The following TBCK variants were observed in gnomAD, a reference collection of about 807,000 sequenced individuals.
TBCK encodes TBC domain-containing protein kinase-like protein.
A neutral mutation model predicts 113.4 loss-of-function variants in TBCK; 99 were observed. That is an observed-to-expected ratio of 0.87 (90% confidence interval 0.74 to 1.03). The LOEUF is 1.03. TBCK is among the 50% of genes least tolerant of loss of function. TBCK has a pLI of 0.00. For missense variants in TBCK, 1,045 were observed against 1,061.3 expected, an observed-to-expected ratio of 0.98 and a Z score of 0.21; for synonymous variants, 369 against 370.8, an observed-to-expected ratio of 1.00 and a Z score of 0.05.
chr4:106,235,574 A>AT (rs888803320), intron 14 of TBCK, among the ~76,000 whole-genome samples: 26 of 152,182 alleles, frequency 1.7e-4, no homozygotes, highest in African/African-American at 5.1e-4. Context: ...CTCGTATTAT[A>AT]TAATTAAGAA....
intron 3 of TBCK, among the ~76,000 whole-genome samples, chr4:106,294,598 C>T (rs1408384494): frequency 2.6e-5 from 4 of 151,880 alleles, no homozygotes. Flanking sequence ...TCTCCTTTCT[C>T]AGCCTCCTGA....
rs1187273018 is a variant in TBCK, at chr4:106,233,074, T to C, written c.1513-10A>G. The C allele has an allele frequency of 1.9e-6, 3 of 1,606,854 alleles. No individual in the cohort carries two copies. Among genetic ancestry groups the C allele is most frequent in the East Asian group, 2.2e-5 (1 of 44,672 alleles). On this transcript the variant is annotated splice_polypyrimidine_tract_variant and intron_variant, in intron 16 of 25. Transcript: ENST00000394708. ...GAATATCCACTTCAATCTGTTAAAA[T>C]AGCAAAATAATAAGGTGAAACAGTA...
intron 3 of TBCK, among the ~76,000 whole-genome samples, chr4:106,292,500 G>A (rs373555572): frequency 4.6e-4 from 70 of 151,548 alleles, no homozygotes; most frequent in African/African-American, 1.6e-3. Context: ...AACCCGGGAG[G>A]AGGAGCTTGC....
chr4:106,079,146 A>G (rs781427546), intron 25 of TBCK, among the ~76,000 whole-genome samples: 24 of 152,198 alleles, frequency 1.6e-4, no homozygotes, highest in Non-Finnish European at 2.5e-4. Context: ...AACATCCTCA[A>G]CAAATTAGGC....
chr4:106,162,908 T>C (rs1250833019), intron 23 of TBCK, among the ~76,000 whole-genome samples: 2 of 152,198 alleles, frequency 1.3e-5, no homozygotes, highest in African/African-American at 4.8e-5. Context: ...GTGATTAGCA[T>C]TTGGCTCCTC....
At chr4:106,311,139 A>T (rs897995147) in intron 1 of TBCK, among the ~76,000 whole-genome samples, 5 of 151,764 alleles carry the variant, frequency 3.3e-5, no homozygotes, top group African/African-American at 1.2e-4. Context: ...GGGAGTGTAA[A>T]TTAGTAAAAT....
chr4:106,304,902 G>A (rs1767341351), intron 2 of TBCK, among the ~76,000 whole-genome samples: 2 of 152,114 alleles, frequency 1.3e-5, no homozygotes, highest in South Asian at 2.1e-4. Flanking sequence ...ATGCATTTCT[G>A]AGTCACTTTC....
At chr4:106,233,167 GAA>G in intron 16 of TBCK, 103 bp from the exon 17 acceptor site, 1 of 1,192,204 alleles carries the variant, frequency 8.4e-7, no homozygotes, top group Non-Finnish European at 1.2e-6. Flanking sequence ...GCTATAATAT[GAA>G]TTTCAAAACA....
chr4:106,163,509 G>T (rs1325196603), intron 23 of TBCK: 6 of 152,096 alleles, frequency 3.9e-5, no homozygotes, highest in African/African-American at 1.4e-4. Flanking sequence ...TGCTCATAAA[G>T]ACATACCCCA....
chr4:106,125,506 T>C (rs771998602), intron 23 of TBCK, among the ~76,000 whole-genome samples: 3 of 151,912 alleles, frequency 2.0e-5, no homozygotes, highest in Non-Finnish European at 4.4e-5. Flanking sequence ...ATCTCAAAAA[T>C]AAATAAATAA....
intron 1 of TBCK, 86 bp from the exon 2 acceptor site, chr4:106,309,075 A>C: frequency 1.2e-6 from 1 of 849,872 alleles, no homozygotes; most frequent in Non-Finnish European, 1.8e-6. Context: ...AACTTGGAGG[A>C]AAATGCCAAC....
At chr4:106,116,447 G>T in intron 23 of TBCK, 69 bp from the exon 24 acceptor site, 8 of 1,237,768 alleles carry the variant, frequency 6.5e-6, no homozygotes, top group Non-Finnish European at 9.2e-6. Context: ...CCCAGTAATA[G>T]AATATCTTGA....
At chr4:106,216,198 C>G (rs1285589011) in intron 19 of TBCK, among the ~76,000 whole-genome samples, 1 of 151,464 alleles carries the variant, frequency 6.6e-6, no homozygotes, top group Non-Finnish European at 1.5e-5. Flanking sequence ...ACCAGAATCT[C>G]TGGGACACAT....
At chr4:106,095,718 G>C in intron 24 of TBCK, 77 bp from the exon 25 acceptor site, 1 of 1,353,280 alleles carries the variant, frequency 7.4e-7, no homozygotes, top group South Asian at 1.4e-5. Flanking sequence ...AGAGCTAAGT[G>C]ACTCCCAGAA....
chr4:106,104,830 G>A (rs1479763048), intron 24 of TBCK, among the ~76,000 whole-genome samples: 4 of 152,216 alleles, frequency 2.6e-5, no homozygotes, highest in African/African-American at 4.8e-5. Context: ...AGCTTTCACT[G>A]GTGACACCTC....
At chr4:106,154,671 T>G (rs1748919630) in intron 23 of TBCK, among the ~76,000 whole-genome samples, 2 of 152,136 alleles carry the variant, frequency 1.3e-5, no homozygotes, top group African/African-American at 4.8e-5. Flanking sequence ...TGCTATCACT[T>G]TGCCTTCTGC....
At chr4:106,215,390 T>TAA (rs1275921915) in intron 19 of TBCK, among the ~76,000 whole-genome samples, 1 of 151,968 alleles carries the variant, frequency 6.6e-6, no homozygotes, top group Non-Finnish European at 1.5e-5. Context: ...GTAAATGGAC[T>TAA]AAAGGCTCCA....
At chr4:106,217,688 A>G (rs1164495301) in intron 19 of TBCK, among the ~76,000 whole-genome samples, 2 of 150,492 alleles carry the variant, frequency 1.3e-5, no homozygotes, top group African/African-American at 4.8e-5. Flanking sequence ...TTCAAGGAGA[A>G]CTACAAACCA....
chr4:106,157,645 A>C (rs965031442), intron 23 of TBCK, among the ~76,000 whole-genome samples: 1 of 152,096 alleles, frequency 6.6e-6, no homozygotes, highest in African/African-American at 2.4e-5. Flanking sequence ...AGTTCAATGC[A>C]ATGTCACAAT....
Sources: gnomAD v4.1 joint callset for allele counts (sites outside exome capture counted in the v4.1 genomes callset) on GRCh38, gnomAD v4.1.1 for gene constraint, MANE v1.5 for transcripts, NCBI Gene and HGNC (gene_info 2026-07-23, HGNC 2026-07-21) for gene names.